VPS13C: variants seen among roughly 807,000 people sequenced by gnomAD.
VPS13C encodes vacuolar protein sorting 13 homolog C.
VPS13C carries 358 observed loss-of-function variants against 456.8 expected under a neutral mutation model. That is an observed-to-expected ratio of 0.78 (90% CI 0.72 to 0.86). The LOEUF is 0.86. Ranked by LOEUF, VPS13C falls within the 40% of genes least tolerant of loss-of-function variation. VPS13C has a pLI of 0.00. For synonymous variants in VPS13C, 1,578 were observed against 1,486.7 expected, an observed-to-expected ratio of 1.06 and a Z score of -1.41; for missense variants, 4,818 against 4,385.4, an observed-to-expected ratio of 1.10 and a Z score of -2.79.
intron 66 of VPS13C, among the ~76,000 whole-genome samples, chr15:61,893,237 A>G (rs1298991582): frequency 6.6e-6 from 1 of 152,198 alleles, no homozygotes; most frequent in Non-Finnish European, 1.5e-5. Flanking sequence ...TGGCAAAAGA[A>G]AAGAAGCAGA....
In VPS13C at chr15:61,978,395, A is replaced by C. The variant is rs143716429; in HGVS notation, c.2290+231T>G. Among the ~76,000 whole-genome samples the C allele has an allele frequency of 3.1e-3, 476 of 152,324 alleles. 1 individual carries two copies. The highest frequency in any genetic ancestry group is 5.0e-3 in the Non-Finnish European group (339 of 68,012). On this transcript the variant is annotated intron_variant, in intron 23 of 84. Coordinates refer to ENST00000644861, the MANE Select transcript of VPS13C (RefSeq NM_020821.3). Reference sequence around the variant, plus strand: ...AAAAACATAGGCTATGAATAGGCTTAGATTGAAATGGAGCTAGGTATCTTA... The same window carrying C: ...AAAAACATAGGCTATGAATAGGCTTCGATTGAAATGGAGCTAGGTATCTTA...
chr15:62,059,137 A>G (rs1567160120), intron 1 of VPS13C, among the ~76,000 whole-genome samples: 3 of 152,216 alleles, frequency 2.0e-5, no homozygotes, highest in Non-Finnish European at 2.9e-5. Context: ...TTCAACACAT[A>G]AGCAACATAA....
chr15:61,997,695 C>G (rs544413592), intron 16 of VPS13C, among the ~76,000 whole-genome samples: 15 of 152,268 alleles, frequency 9.9e-5, no homozygotes, highest in Admixed American at 9.8e-4. Flanking sequence ...TCTAGTCAGT[C>G]AGGAAATACT....
In VPS13C at chr15:62,044,229, T is replaced by C. The variant is rs1009689306; in HGVS notation, c.127A>G (p.Ile43Val). ...GGNVALDNLQ[I>V]KENALSELDV... is the part of the protein sequence containing the mutation. ...AAACTTACCAGGGCATTTTCTTTTA[T>C]CTGTAGATTATCTAAAGCCACATTT... The change falls in exon 2 of 85, where the codon ATA becomes GTA. Residue 43 changes from isoleucine to valine, a missense_variant. Ile to Val is a conservative substitution (Grantham distance 29, BLOSUM62 3). Coordinates refer to ENST00000644861, the MANE Select transcript of VPS13C (RefSeq NM_020821.3). The C allele has an allele frequency of 1.1e-5, 16 of 1,484,560 alleles. No homozygotes were observed. Among genetic ancestry groups the C allele is most frequent in the Non-Finnish European group, 1.4e-5 (15 of 1,080,462 alleles). The allele number at this position is 1,484,560 out of a possible 1,614,324, so 92.0% of individuals were successfully genotyped here.
Position 61,972,609 on chromosome 15 carries a change from A to G in VPS13C, c.2757+16T>C. On this transcript the variant is annotated intron_variant, in intron 27 of 84. Coordinates refer to ENST00000644861, the MANE Select transcript of VPS13C (RefSeq NM_020821.3). Reference sequence around the variant, plus strand: ...ACAGCCAGAATATATCTATTTATAGACAAAAAAGCACATACTTCTTTAATT... The same window carrying G: ...ACAGCCAGAATATATCTATTTATAGGCAAAAAAGCACATACTTCTTTAATT... 6.2e-7 allele frequency: 1 copy of G among 1,610,426 alleles called. No individual in the cohort carries two copies.
At chr15:62,025,729 T>C (rs987361851) in intron 6 of VPS13C, among the ~76,000 whole-genome samples, 1 of 152,070 alleles carries the variant, frequency 6.6e-6, no homozygotes, top group Non-Finnish European at 1.5e-5. Flanking sequence ...ATCCAATAAA[T>C]AATAAATTTA....
chr15:61,878,790 A>C (rs1232624634), intron 73 of VPS13C, 44 bp from the exon 74 acceptor site: 2 of 1,555,102 alleles, frequency 1.3e-6, no homozygotes, highest in African/African-American at 2.8e-5. Flanking sequence ...TAAAAGTGAA[A>C]AATTTACATA....
intron 43 of VPS13C, 99 bp from the exon 44 acceptor site, chr15:61,946,509 T>C (rs1393125563): frequency 2.6e-6 from 2 of 764,960 alleles, no homozygotes; most frequent in Non-Finnish European, 3.9e-6. Flanking sequence ...ATAAAGTGAA[T>C]AAAAATTACT....
At chr15:61,869,304 G>C (rs1046001873) in intron 80 of VPS13C, among the ~76,000 whole-genome samples, 196 bp downstream of exon 80, 1 of 152,108 alleles carries the variant, frequency 6.6e-6, no homozygotes, top group Middle Eastern at 3.4e-3. Context: ...TTTTAGTAGA[G>C]ATGGGGTTTC....
At chr15:61,923,445 T>A (rs916663698) in intron 53 of VPS13C, among the ~76,000 whole-genome samples, 1 of 152,160 alleles carries the variant, frequency 6.6e-6, no homozygotes, top group African/African-American at 2.4e-5. Context: ...GCCACCAGCA[T>A]AATTTTTCTA....
Position 61,981,488 on chromosome 15 carries a change from TA to T in VPS13C, c.2030-11del. 1 of 1,574,590 alleles carries T rather than the reference TA, an allele frequency of 6.4e-7. No individual in the cohort carries two copies. Among genetic ancestry groups the T allele is most frequent in the Non-Finnish European group, 8.6e-7 (1 of 1,165,122 alleles). Reference sequence around the variant, plus strand: ...ATAATATGTGTAAGTCCTAAAGACGTAAGAAATAATGACAGATTAGATGGTC... The same window carrying T: ...ATAATATGTGTAAGTCCTAAAGACGTAGAAATAATGACAGATTAGATGGTC... On this transcript the variant is annotated splice_polypyrimidine_tract_variant and intron_variant, in intron 21 of 84. Transcript: ENST00000644861.
chr15:61,988,242 G>T (rs1294974229), intron 18 of VPS13C, among the ~76,000 whole-genome samples: 3 of 152,162 alleles, frequency 2.0e-5, no homozygotes, highest in Admixed American at 2.0e-4. Flanking sequence ...CTTTTTGGAA[G>T]GATGGAAATG....
intron 84 of VPS13C, 27 bp downstream of exon 84, chr15:61,854,844 T>C: frequency 6.3e-7 from 1 of 1,575,792 alleles, no homozygotes; most frequent in Non-Finnish European, 8.6e-7. Flanking sequence ...CTAAAAAAAA[T>C]TGAGGCATGC....
intron 8 of VPS13C, among the ~76,000 whole-genome samples, chr15:62,021,148 T>C (rs1231625543): frequency 6.6e-6 from 1 of 151,592 alleles, no homozygotes; most frequent in Non-Finnish European, 1.5e-5. Context: ...AAGGGTAGGG[T>C]GGGTGAGAAG....
rs1894405812 is a variant in VPS13C at position 61,864,511 on chromosome 15, C to T, written c.10864-983G>A. 7 of 859,534 alleles carry T rather than the reference C, an allele frequency of 8.1e-6. No individual in the cohort carries two copies. The Admixed American group carries it at 3.1e-4, about 38-fold the overall frequency. The allele number at this position is 859,534 out of a possible 1,614,324, so 53.2% of individuals were successfully genotyped here. On this transcript the variant is annotated intron_variant, in intron 81 of 84. Transcript: ENST00000644861. Reference sequence around the variant, plus strand: ...ATATACTGAATAAATAAGACCTTGACATTTTACGACCAAGAATATAATGCC... The same window carrying T: ...ATATACTGAATAAATAAGACCTTGATATTTTACGACCAAGAATATAATGCC...
chr15:61,949,156 T>C (rs1321569329), intron 42 of VPS13C, among the ~76,000 whole-genome samples: 2 of 152,170 alleles, frequency 1.3e-5, no homozygotes, highest in African/African-American at 2.4e-5. Flanking sequence ...TCCATTGAAC[T>C]GAAGACTACA....
intron 67 of VPS13C, among the ~76,000 whole-genome samples, chr15:61,887,314 A>T (rs1359214211): frequency 6.6e-6 from 1 of 152,210 alleles, no homozygotes; most frequent in African/African-American, 2.4e-5. Flanking sequence ...ACAAACACTT[A>T]GGTATAAATA....
intron 84 of VPS13C, 101 bp from the exon 85 acceptor site, chr15:61,854,659 A>T (rs1893810239): frequency 7.9e-7 from 1 of 1,259,774 alleles, no homozygotes; most frequent in Admixed American, 1.7e-5. Context: ...TCCAAACAGG[A>T]CCAACAGCTA....
chr15:62,002,106 A>G (rs979372939), intron 15 of VPS13C, among the ~76,000 whole-genome samples: 16 of 152,168 alleles, frequency 1.1e-4, no homozygotes, highest in African/African-American at 3.9e-4. Context: ...TGACTTCCAC[A>G]ATGGTTGAAC....
Sources: gnomAD v4.1 joint callset for allele counts (sites outside exome capture counted in the v4.1 genomes callset) on GRCh38, gnomAD v4.1.1 for gene constraint, MANE v1.5 for transcripts, NCBI Gene and HGNC (gene_info 2026-07-23, HGNC 2026-07-21) for gene names.